RNF150: variants seen among roughly 807,000 people sequenced by gnomAD.
RNF150 encodes ring finger protein 150.
RNF150 carries 24 observed loss-of-function variants against 39.3 expected under a neutral mutation model. The ratio of observed to expected loss-of-function variants is 0.61; its 90% confidence interval spans 0.44 to 0.86. RNF150 has a LOEUF of 0.86. Among genes scored for constraint, RNF150 ranks in the 40% least tolerant of loss-of-function variants. The pLI is 0.00. For synonymous variants in RNF150, 255 were observed against 227.3 expected (o/e 1.12, Z -1.10); for missense variants, 502 against 587.8 (o/e 0.85, Z 1.51).
chr4:140,984,704 G>A lies in RNF150; in HGVS notation c.485-16831C>T, dbSNP rs111379076. ...TGCTTAAGTGACTTTCTGGACCACT[G>A]ACTATCACTCTCACTTGGTGTGGGC... On this transcript the variant is annotated intron_variant, in intron 1 of 6. Transcript: ENST00000515673. Among the ~76,000 whole-genome samples the A allele has an allele frequency of 4.0e-3, 607 of 152,214 alleles. 4 individuals are homozygous for A. The highest frequency in any genetic ancestry group is 0.014 in the African/African-American group (567 of 41,548).
intron 6 of RNF150, among the ~76,000 whole-genome samples, chr4:140,876,337 C>T (rs527386282): frequency 3.7e-4 from 56 of 152,296 alleles, no homozygotes; most frequent in African/African-American, 1.2e-3. Flanking sequence ...GTCTATATAG[C>T]CTGTCATTAT....
chr4:140,883,760 AC>A (rs60532256), intron 6 of RNF150, among the ~76,000 whole-genome samples: 79 of 151,968 alleles, frequency 5.2e-4, no homozygotes, highest in African/African-American at 1.8e-3. Flanking sequence ...CTCAGTGTAG[AC>A]CTCTTTAGGT....
intron 4 of RNF150, among the ~76,000 whole-genome samples, chr4:140,932,126 T>C (rs924350071): frequency 2.0e-4 from 30 of 152,164 alleles, no homozygotes; most frequent in Non-Finnish European, 3.2e-4. Flanking sequence ...TATTAAAAAA[T>C]GTGACTCACT....
intron 6 of RNF150, among the ~76,000 whole-genome samples, chr4:140,872,553 C>CT (rs909767233): frequency 3.3e-5 from 3 of 89,598 alleles, no homozygotes; most frequent in Non-Finnish European, 6.2e-5. Context: ...AGTTAGGAAA[C>CT]TATTACAGAA....
chr4:141,080,461 T>C (rs1385523722), intron 1 of RNF150, among the ~76,000 whole-genome samples: 2 of 152,234 alleles, frequency 1.3e-5, no homozygotes, highest in African/African-American at 4.8e-5. Flanking sequence ...TCTCTCGTCA[T>C]TGTCAAGATA....
chr4:141,123,820 A>C (rs990997308), intron 1 of RNF150, among the ~76,000 whole-genome samples: 5 of 152,008 alleles, frequency 3.3e-5, no homozygotes, highest in African/African-American at 1.2e-4. Context: ...TCTGTCCTTG[A>C]GATAGTTTTC....
At chr4:141,062,986 C>T (rs1489613894) in intron 1 of RNF150, among the ~76,000 whole-genome samples, 1 of 152,158 alleles carries the variant, frequency 6.6e-6, no homozygotes, top group African/African-American at 2.4e-5. Context: ...CATGTTGATG[C>T]AAAGGACATG....
intron 1 of RNF150, among the ~76,000 whole-genome samples, chr4:140,983,030 C>T (rs1274650618): frequency 1.3e-5 from 2 of 152,126 alleles, no homozygotes; most frequent in Admixed American, 6.6e-5. Context: ...TTTATGACCA[C>T]AAATCTTTAA....
chr4:141,103,696 A>G (rs1448902220), intron 1 of RNF150, among the ~76,000 whole-genome samples: 4 of 151,742 alleles, frequency 2.6e-5, no homozygotes, highest in South Asian at 2.1e-4. Context: ...TTCATTTTTT[A>G]AAGTATTATA....
At chr4:140,875,247 C>T (rs1436150100) in intron 6 of RNF150, among the ~76,000 whole-genome samples, 2 of 151,228 alleles carry the variant, frequency 1.3e-5, no homozygotes, top group East Asian at 3.9e-4. Context: ...TAGTTCACTC[C>T]AACCTTGAAC....
At chr4:141,064,568 A>AC (rs1737377495) in intron 1 of RNF150, among the ~76,000 whole-genome samples, 1 of 151,930 alleles carries the variant, frequency 6.6e-6, no homozygotes. Flanking sequence ...ACACCTGTAA[A>AC]CAGCCACTGC....
chr4:140,876,967 TCAC>T (rs1426131843), intron 6 of RNF150, among the ~76,000 whole-genome samples: 4 of 152,252 alleles, frequency 2.6e-5, no homozygotes, highest in Non-Finnish European at 5.9e-5. Context: ...AAATTCTTTC[TCAC>T]CTTTCAGATG....
At chr4:141,093,418 C>T (rs4956508) in intron 1 of RNF150, among the ~76,000 whole-genome samples, 1 of 150,832 alleles carries the variant, frequency 6.6e-6, no homozygotes, top group South Asian at 2.1e-4. Context: ...GAAGCCCCAG[C>T]AGGGCTGCTC....
chr4:141,120,250 C>T (rs1311891280), intron 1 of RNF150, among the ~76,000 whole-genome samples: 1 of 152,066 alleles, frequency 6.6e-6, no homozygotes, highest in Non-Finnish European at 1.5e-5. Flanking sequence ...AGAGAATGAA[C>T]AGCAGATGAA....
In RNF150 at chr4:140,864,574, C is replaced by T. The variant is rs532018802; in HGVS notation, c.*3687G>A. On this transcript the variant is annotated 3_prime_UTR_variant, in exon 7 of 7. Transcript: ENST00000515673. Reference sequence around the variant, plus strand: ...CTTTTTCAAGAAGGCCACATAAAGTCTTGCATTTCTCATTCTTTCCTCCCA... The same window carrying T: ...CTTTTTCAAGAAGGCCACATAAAGTTTTGCATTTCTCATTCTTTCCTCCCA... 1 of 152,296 alleles carries T rather than the reference C, an allele frequency of 6.6e-6. No homozygotes were observed. The highest frequency in any genetic ancestry group is 2.4e-5 in the African/African-American group (1 of 41,554). 9.4% of individuals were successfully genotyped at this position (152,296 alleles called of 1,614,324 possible).
chr4:140,912,380 C>T (rs929026844), intron 5 of RNF150, among the ~76,000 whole-genome samples: 3 of 152,182 alleles, frequency 2.0e-5, no homozygotes, highest in African/African-American at 7.2e-5. Flanking sequence ...TTGCTCTGAA[C>T]CTCAGCTTTG....
intron 5 of RNF150, among the ~76,000 whole-genome samples, chr4:140,916,844 T>C (rs530908759): frequency 6.6e-6 from 1 of 152,244 alleles, no homozygotes; most frequent in Admixed American, 6.5e-5. Context: ...AGCTGATCTC[T>C]TGGCAGAAAC....
chr4:141,119,070 C>T (rs539984225), intron 1 of RNF150, among the ~76,000 whole-genome samples: 7 of 152,128 alleles, frequency 4.6e-5, no homozygotes, highest in Non-Finnish European at 7.4e-5. Flanking sequence ...CATATACACA[C>T]GAGATTAAAT....
chr4:141,042,782 G>A lies in RNF150; in HGVS notation c.485-74909C>T, dbSNP rs183889255. Among the ~76,000 whole-genome samples, 19 of 151,906 alleles carry A rather than the reference G, an allele frequency of 1.3e-4. No individual in the cohort carries two copies. The East Asian group carries it at 2.7e-3, about 22-fold the overall frequency. ...ATTCTTATTCTCTCTCTCCCCTTCC[G>A]CCCATGTGTTCTGGGGATGGGGTGA... On this transcript the variant is annotated intron_variant, in intron 1 of 6. Transcript: ENST00000515673.
Sources: allele counts gnomAD v4.1 joint callset (sites outside exome capture counted in the v4.1 genomes callset), GRCh38; gene constraint gnomAD v4.1.1; transcripts MANE v1.5; gene names NCBI Gene and HGNC (gene_info 2026-07-23, HGNC 2026-07-21).